The following CAST variants were observed in gnomAD, a reference collection of about 807,000 sequenced individuals.
The protein encoded by CAST is MIR583 host.
A neutral mutation model predicts 119.6 loss-of-function variants in CAST; 76 were observed. That is an observed-to-expected ratio of 0.64 (90% CI 0.53 to 0.77). The LOEUF (loss-of-function observed/expected upper bound fraction) is 0.77, where lower values mean the gene tolerates loss of function less well. Ranked by LOEUF, CAST falls within the 30% of genes least tolerant of loss-of-function variation. The pLI is 0.00. For synonymous variants in CAST, 319 were observed against 331.6 expected, an observed-to-expected ratio of 0.96 and a Z score of 0.41; for missense variants, 953 against 946.5, an observed-to-expected ratio of 1.01 and a Z score of -0.09.
the CAST span, among the ~76,000 whole-genome samples, chr5:96,014,008 CT>C: frequency 2.6e-5 from 4 of 151,924 alleles, no homozygotes; most frequent in African/African-American, 9.7e-5. Flanking sequence ...CTTATTGTAA[CT>C]TTTTTACTTT....
the CAST span, among the ~76,000 whole-genome samples, chr5:96,326,393 C>T: frequency 6.6e-6 from 1 of 152,200 alleles, no homozygotes; most frequent in Non-Finnish European, 1.5e-5. Flanking sequence ...TCACAGGTCC[C>T]CATTACATGT....
At chr5:96,730,962 C>A in intron 9 of CAST, 102 bp downstream of exon 9, 1 of 836,012 alleles carries the variant, frequency 1.2e-6, no homozygotes, top group Non-Finnish European at 2.1e-6. Flanking sequence ...CAAAACTGAA[C>A]ACTGCTTATA....
At chr5:96,291,033 C>T in the CAST span, among the ~76,000 whole-genome samples, 1 of 152,212 alleles carries the variant, frequency 6.6e-6, no homozygotes, top group Admixed American at 6.5e-5. Flanking sequence ...AGCAGCTTTA[C>T]AGAGAACAAC....
the CAST span, among the ~76,000 whole-genome samples, chr5:96,476,997 C>T: frequency 6.7e-6 from 1 of 149,338 alleles, no homozygotes; most frequent in Non-Finnish European, 1.5e-5. Context: ...CTCAGCTAGA[C>T]ATCAATTTTC....
the CAST span, among the ~76,000 whole-genome samples, chr5:96,204,779 A>C: frequency 6.6e-6 from 1 of 151,722 alleles, no homozygotes; most frequent in Non-Finnish European, 1.5e-5. Flanking sequence ...TTCTCCTAGG[A>C]TTGACAGTGG....
the CAST span, among the ~76,000 whole-genome samples, chr5:96,362,589 G>A: frequency 6.6e-6 from 1 of 152,190 alleles, no homozygotes; most frequent in African/African-American, 2.4e-5. Flanking sequence ...GGCCAGTGAT[G>A]ATGAGCATTT....
chr5:96,039,973 T>C, the CAST span, among the ~76,000 whole-genome samples: 1 of 152,208 alleles, frequency 6.6e-6, no homozygotes, highest in Non-Finnish European at 1.5e-5. Flanking sequence ...AGTAAGGCCA[T>C]TTTCATGATA....
the CAST span, among the ~76,000 whole-genome samples, chr5:96,359,476 T>G: frequency 6.6e-6 from 1 of 152,222 alleles, no homozygotes; most frequent in East Asian, 1.9e-4. Context: ...GGTACCTGTT[T>G]TTCCTTTCCA....
the CAST span, among the ~76,000 whole-genome samples, chr5:96,338,250 A>G: frequency 6.6e-6 from 1 of 152,204 alleles, no homozygotes; most frequent in Admixed American, 6.5e-5. Context: ...ATGCACTTCA[A>G]ATTTCAGTTT....
chr5:96,705,242 C>G (rs942978213), intron 3 of CAST, among the ~76,000 whole-genome samples: 3 of 151,928 alleles, frequency 2.0e-5, no homozygotes, highest in African/African-American at 7.3e-5. Context: ...TCAGTTGAGC[C>G]TGGGAGGTTA....
At chr5:96,529,763 T>C, upstream of CAST, 2 of 434,922 alleles carry the variant, frequency 4.6e-6, no homozygotes, top group South Asian at 1.6e-5. Flanking sequence ...CGAGATATAA[T>C]GGTTTTATGA....
intron 1 of CAST, among the ~76,000 whole-genome samples, chr5:96,583,138 A>T (rs1437115870): frequency 6.6e-6 from 1 of 152,132 alleles, no homozygotes; most frequent in African/African-American, 2.4e-5. Context: ...GCCCCACCTT[A>T]AAAAAGTCTT....
chr5:95,989,115 G>T, the CAST span, among the ~76,000 whole-genome samples: 5 of 152,128 alleles, frequency 3.3e-5, no homozygotes, highest in African/African-American at 9.7e-5. Context: ...AAAAGCAAGG[G>T]ATTGTTGATT....
the CAST span, among the ~76,000 whole-genome samples, chr5:96,340,764 T>C: frequency 6.6e-6 from 1 of 152,206 alleles, no homozygotes; most frequent in Non-Finnish European, 1.5e-5. Flanking sequence ...CAAGAAACTT[T>C]CACATCTTCC....
At chr5:96,351,395 T>C in the CAST span, among the ~76,000 whole-genome samples, 1 of 152,172 alleles carries the variant, frequency 6.6e-6, no homozygotes, top group African/African-American at 2.4e-5. Context: ...CCACACTGTC[T>C]CTACACATTG....
At chr5:96,056,535 C>G in the CAST span, among the ~76,000 whole-genome samples, 1 of 152,084 alleles carries the variant, frequency 6.6e-6, no homozygotes, top group East Asian at 1.9e-4. Flanking sequence ...GAGTTTGAAT[C>G]GGCATATTGA....
chr5:96,032,415 G>A, the CAST span, among the ~76,000 whole-genome samples: 1 of 152,244 alleles, frequency 6.6e-6, no homozygotes, highest in African/African-American at 2.4e-5. Context: ...CTTACTACCT[G>A]TGGAGGAGAT....
chr5:96,289,101 A>AG, the CAST span, among the ~76,000 whole-genome samples: 6 of 119,094 alleles, frequency 5.0e-5, no homozygotes, highest in Admixed American at 9.8e-5. Flanking sequence ...TATATGATTA[A>AG]GAAAAAAAAA....
At chr5:96,147,101 C>T in the CAST span, among the ~76,000 whole-genome samples, 1 of 152,154 alleles carries the variant, frequency 6.6e-6, no homozygotes, top group African/African-American at 2.4e-5. Flanking sequence ...TTATGCACAG[C>T]TGGAAGTGGA....
Sources: allele counts gnomAD v4.1 joint callset (sites outside exome capture counted in the v4.1 genomes callset), GRCh38; gene constraint gnomAD v4.1.1; transcripts MANE v1.5; gene names NCBI Gene and HGNC (gene_info 2026-07-23, HGNC 2026-07-21).